RANBP17: variants seen among roughly 807,000 people sequenced by gnomAD.
RANBP17 encodes RAN binding protein 17, also known as ran-binding protein 17.
In RANBP17, 158 loss-of-function variants were observed where a neutral mutation model predicts 141.2. The ratio of observed to expected loss-of-function variants is 1.12; its 90% CI spans 0.98 to 1.28. RANBP17 has a LOEUF of 1.28. Ranked by LOEUF, RANBP17 falls within the 50% of genes most tolerant of loss-of-function variation. The pLI, the probability that RANBP17 is intolerant of heterozygous loss-of-function variation, is 0.00. For synonymous variants in RANBP17, 430 were observed against 450.0 expected, an observed-to-expected ratio of 0.96 and a Z score of 0.56; for missense variants, 1,438 against 1,290.7, an observed-to-expected ratio of 1.11 and a Z score of -1.75.
intron 14 of RANBP17, among the ~76,000 whole-genome samples, chr5:171,074,838 T>C (rs571412503): frequency 6.6e-6 from 1 of 152,336 alleles, no homozygotes; most frequent in East Asian, 1.9e-4. Flanking sequence ...TTATATTATT[T>C]ACACACTATT....
Position 170,924,562 on chromosome 5 carries a change from T to TTA in RANBP17, c.1468+16_1468+17dup, listed in dbSNP as rs746840915. The TTA allele has an allele frequency of 1.3e-6, 2 of 1,530,944 alleles. No homozygotes were observed. Among genetic ancestry groups the TTA allele is most frequent in the Admixed American group, 3.4e-5 (2 of 59,646 alleles). The allele number at this position is 1,530,944 out of a possible 1,614,324, so 94.8% of individuals were successfully genotyped here. ...CACCATTCAGGAAGGTCAGTAAACTTTATATGACTACTGAGTATTATGTTG... is the reference window on the plus strand; with the variant it reads ...CACCATTCAGGAAGGTCAGTAAACTTTATATATGACTACTGAGTATTATGTTG... On this transcript the variant is annotated intron_variant, in intron 12 of 27. Coordinates refer to ENST00000523189, the MANE Select transcript of RANBP17 (RefSeq NM_022897.5).
chr5:171,127,788 T>C lies in RANBP17; in HGVS notation c.1711-42342T>C, dbSNP rs573072442. Among the ~76,000 whole-genome samples, 3 of 152,214 alleles carry C rather than the reference T, an allele frequency of 2.0e-5. No homozygotes were observed. In the East Asian group the frequency reaches 5.8e-4, roughly 29 times the overall value. On this transcript the variant is annotated intron_variant, in intron 14 of 27. Transcript: ENST00000523189. ...AATTAGTACAACCATTGTAGAAAAA[T>C]AGTATAGAGGTTTCTTGATAAACAA...
intron 14 of RANBP17, among the ~76,000 whole-genome samples, chr5:170,977,621 T>C (rs1777473459): frequency 6.6e-6 from 1 of 152,006 alleles, no homozygotes; most frequent in African/African-American, 2.4e-5. Context: ...AATGGATAGA[T>C]AAAATTTGGT....
At chr5:171,050,259 G>T (rs1384059375) in intron 14 of RANBP17, among the ~76,000 whole-genome samples, 5 of 152,010 alleles carry the variant, frequency 3.3e-5, no homozygotes, top group Non-Finnish European at 5.9e-5. Flanking sequence ...ATCTTCAAAT[G>T]GATTTTTCAT....
intron 16 of RANBP17, among the ~76,000 whole-genome samples, chr5:171,182,737 C>T (rs79395020): frequency 0.015 from 2,256 of 152,034 alleles, 50 homozygotes; most frequent in African/African-American, 0.05. Context: ...ACCAAGAGAG[C>T]TCACTATTTC....
Position 170,914,052 on chromosome 5 carries a change from G to A in RANBP17, c.761-115G>A, listed in dbSNP as rs1285817955. Reference sequence around the variant, plus strand: ...TAGGAATTAAAAATAGGCCTAACTGGAAGGAATGGCCACATGCAGAGGCCT... The same window carrying A: ...TAGGAATTAAAAATAGGCCTAACTGAAAGGAATGGCCACATGCAGAGGCCT... On this transcript the variant is annotated intron_variant, in intron 7 of 27. Coordinates refer to ENST00000523189, the MANE Select transcript of RANBP17 (RefSeq NM_022897.5). 9 of 684,264 alleles carry A rather than the reference G, an allele frequency of 1.3e-5. No homozygotes were observed. In the East Asian group the frequency reaches 2.4e-4, roughly 18 times the overall value. 42.4% of individuals were successfully genotyped at this position (684,264 alleles called of 1,614,324 possible).
intron 18 of RANBP17, among the ~76,000 whole-genome samples, chr5:171,186,534 T>C: frequency 1.2e-5 from 1 of 80,408 alleles, no homozygotes; most frequent in African/African-American, 4.3e-5. Context: ...TTCTTTTTTT[T>C]TTTTTTTTTT....
chr5:171,293,791 T>G (rs1290511800), intron 25 of RANBP17, 92 bp from the exon 26 acceptor site: 1 of 896,334 alleles, frequency 1.1e-6, no homozygotes, highest in African/African-American at 1.6e-5. Flanking sequence ...GTTAGCAAGA[T>G]GGAGGGGTGG....
intron 12 of RANBP17, among the ~76,000 whole-genome samples, chr5:170,942,597 T>A (rs7701805): frequency 3.9e-5 from 6 of 152,002 alleles, no homozygotes; most frequent in East Asian, 3.9e-4. Flanking sequence ...ATCAAAAGAA[T>A]AATAAGCATT....
chr5:171,226,811 G>GT (rs1220808249), intron 22 of RANBP17, among the ~76,000 whole-genome samples: 1 of 152,216 alleles, frequency 6.6e-6, no homozygotes, highest in East Asian at 1.9e-4. Context: ...ACTATTAGAA[G>GT]TGTTGTAAGA....
chr5:171,214,345 CAG>C (rs1763087843), intron 21 of RANBP17, among the ~76,000 whole-genome samples: 1 of 152,122 alleles, frequency 6.6e-6, no homozygotes, highest in African/African-American at 2.4e-5. Flanking sequence ...CATAGACTGG[CAG>C]AAATTCAAAT....
chr5:171,048,419 T>G (rs1581488707), intron 14 of RANBP17, among the ~76,000 whole-genome samples: 1 of 152,184 alleles, frequency 6.6e-6, no homozygotes. Flanking sequence ...TTTCAACTGC[T>G]GTGTTTATAT....
At chr5:170,984,071 A>G (rs1777951011) in intron 14 of RANBP17, among the ~76,000 whole-genome samples, 1 of 152,166 alleles carries the variant, frequency 6.6e-6, no homozygotes, top group Non-Finnish European at 1.5e-5. Flanking sequence ...AAATAAATAA[A>G]TAACTGATGT....
intron 14 of RANBP17, among the ~76,000 whole-genome samples, chr5:171,100,016 TG>T (rs546550992): frequency 1.3e-5 from 2 of 152,212 alleles, no homozygotes; most frequent in Non-Finnish European, 2.9e-5. Context: ...AGTATTCTAT[TG>T]AGGATTTTTC....
chr5:170,881,823 C>T lies in RANBP17; in HGVS notation c.183C>T (p.Leu61=). 2.5e-6 allele frequency: 4 copies of T among 1,607,246 alleles called. No individual in the cohort carries two copies. Among genetic ancestry groups the T allele is most frequent in the Non-Finnish European group, 3.4e-6 (4 of 1,176,236 alleles). The change falls in exon 3 of 28, where the codon CTC becomes CTT. Residue 61 remains leucine, a synonymous_variant. Transcript: ENST00000523189. The stretch of plus-strand genomic sequence containing the variant: ...CTTTACAGACATCCTATGCTCAGCT[C>T]CTTGCAGCAACATGTCTTTCAAAAC... The part of the protein sequence containing the change: ...LEQGTTSYAQ[L]LAATCLSKLV...
In RANBP17 at chr5:171,013,536, A is replaced by G. The variant is rs146716851; in HGVS notation, c.1710+45159A>G. Among the ~76,000 whole-genome samples the G allele has an allele frequency of 1.9e-3, 287 of 152,248 alleles. 1 individual carries two copies. Among genetic ancestry groups the G allele is most frequent in the African/African-American group, 6.1e-3 (255 of 41,556 alleles). ...AGTTGAAAAGGCTATCCTTTCTTCC[A>G]TTTAATTATCTTGGCCTTTTTTGAG... On this transcript the variant is annotated intron_variant, in intron 14 of 27. Transcript: ENST00000523189.
chr5:171,021,416 C>T (rs915937271), intron 14 of RANBP17, among the ~76,000 whole-genome samples: 1 of 152,138 alleles, frequency 6.6e-6, no homozygotes, highest in East Asian at 1.9e-4. Context: ...ACCAATCAAA[C>T]GTAGGTTTGG....
chr5:171,159,453 G>T (rs1759161815), intron 14 of RANBP17, among the ~76,000 whole-genome samples: 1 of 152,172 alleles, frequency 6.6e-6, no homozygotes, highest in African/African-American at 2.4e-5. Flanking sequence ...AAGCAACCTA[G>T]AACCAATAGT....
intron 14 of RANBP17, among the ~76,000 whole-genome samples, chr5:171,038,061 A>G (rs899431457): frequency 4.6e-5 from 7 of 151,950 alleles, no homozygotes; most frequent in South Asian, 2.1e-4. Flanking sequence ...TGAGCATGCA[A>G]TGTTTCTCCA....
Sources: allele counts gnomAD v4.1 joint callset (sites outside exome capture counted in the v4.1 genomes callset), GRCh38; gene constraint gnomAD v4.1.1; transcripts MANE v1.5; gene names NCBI Gene and HGNC (gene_info 2026-07-23, HGNC 2026-07-21).